ZCCHC7: variants seen among roughly 807,000 people sequenced by gnomAD.
ZCCHC7 encodes zinc finger CCHC domain-containing protein 7.
Under a neutral mutation model 52.0 loss-of-function variants are expected in ZCCHC7, and 35 were observed. The observed-to-expected ratio is 0.67, with a 90% CI of 0.51 to 0.89. The LOEUF is 0.89. Among genes scored for constraint, ZCCHC7 ranks in the 40% least tolerant of loss-of-function variants. ZCCHC7 has a pLI of 0.00. For missense variants in ZCCHC7, 574 were observed against 649.1 expected (o/e 0.88, Z 1.26); for synonymous variants, 217 against 221.5 (o/e 0.98, Z 0.18).
At chr9:37,315,223 C>T (rs564745633) in intron 5 of ZCCHC7, among the ~76,000 whole-genome samples, 34 of 151,836 alleles carry the variant, frequency 2.2e-4, no homozygotes, top group African/African-American at 8.2e-4. Context: ...AGTATACATA[C>T]CAGGCTCTTA....
chr9:37,281,925 A>T (rs1396007684), intron 2 of ZCCHC7, among the ~76,000 whole-genome samples: 1 of 152,224 alleles, frequency 6.6e-6, no homozygotes, highest in Admixed American at 6.5e-5. Flanking sequence ...CTGCATTTAA[A>T]TTCTTCTTCT....
chr9:37,207,798 T>A (rs187933844), intron 2 of ZCCHC7, among the ~76,000 whole-genome samples: 17 of 152,324 alleles, frequency 1.1e-4, no homozygotes, highest in African/African-American at 4.1e-4. Context: ...ACTTCTAAAT[T>A]TTCCATTGCT....
chr9:37,282,476 G>C (rs535757785), intron 2 of ZCCHC7, among the ~76,000 whole-genome samples: 34 of 151,824 alleles, frequency 2.2e-4, no homozygotes, highest in African/African-American at 8.2e-4. Flanking sequence ...GTGGTGGTGG[G>C]TGCCTGTAGT....
intron 2 of ZCCHC7, among the ~76,000 whole-genome samples, chr9:37,195,691 A>T (rs574902113): frequency 6.6e-6 from 1 of 152,212 alleles, no homozygotes; most frequent in Admixed American, 6.5e-5. Flanking sequence ...TTGTTTTGGG[A>T]GGCATATTTA....
intron 2 of ZCCHC7, among the ~76,000 whole-genome samples, chr9:37,157,905 A>G (rs1820899994): frequency 6.6e-6 from 1 of 152,246 alleles, no homozygotes; most frequent in Admixed American, 6.5e-5. Context: ...AACTAAAACT[A>G]GAACTACTGT....
chr9:37,266,155 C>T (rs1443473218), intron 2 of ZCCHC7, among the ~76,000 whole-genome samples: 2 of 152,174 alleles, frequency 1.3e-5, no homozygotes, highest in Admixed American at 1.3e-4. Flanking sequence ...ATTTAACCTA[C>T]TTCATTTATA....
intron 2 of ZCCHC7, among the ~76,000 whole-genome samples, chr9:37,223,450 T>C (rs1236615848): frequency 1.3e-5 from 2 of 152,054 alleles, no homozygotes; most frequent in African/African-American, 2.4e-5. Flanking sequence ...GGCAGATTAA[T>C]AGGTAAAGAA....
chr9:37,356,810 G>A (rs1242981906), intron 8 of ZCCHC7, 25 bp from the exon 9 acceptor site: 1 of 1,560,756 alleles, frequency 6.4e-7, no homozygotes, highest in Non-Finnish European at 8.6e-7. Context: ...TGCTGAATAT[G>A]CAAAAATACT....
At chr9:37,240,718 G>A (rs1825837897) in intron 2 of ZCCHC7, among the ~76,000 whole-genome samples, 2 of 151,836 alleles carry the variant, frequency 1.3e-5, no homozygotes, top group Non-Finnish European at 2.9e-5. Flanking sequence ...AGCAGGAGTA[G>A]CAAAGGTTGG....
chr9:37,245,965 G>A (rs991187321), intron 2 of ZCCHC7, among the ~76,000 whole-genome samples: 1 of 152,004 alleles, frequency 6.6e-6, no homozygotes, highest in African/African-American at 2.4e-5. Flanking sequence ...AGATTATGAA[G>A]GGATTTATAA....
chr9:37,214,213 T>C (rs1824386701), intron 2 of ZCCHC7, among the ~76,000 whole-genome samples: 1 of 152,084 alleles, frequency 6.6e-6, no homozygotes, highest in Non-Finnish European at 1.5e-5. Context: ...ATTAACACAT[T>C]TGAGTATACT....
intron 2 of ZCCHC7, among the ~76,000 whole-genome samples, chr9:37,151,365 A>G (rs1820516401): frequency 2.0e-5 from 3 of 152,212 alleles, no homozygotes; most frequent in Admixed American, 2.0e-4. Flanking sequence ...ATATAAAACG[A>G]TCATTCTGTA....
chr9:37,316,116 G>A (rs1588660040), intron 5 of ZCCHC7, among the ~76,000 whole-genome samples: 1 of 151,830 alleles, frequency 6.6e-6, no homozygotes, highest in Non-Finnish European at 1.5e-5. Flanking sequence ...CTGGAGTGCA[G>A]TGGCGCAATC....
At chr9:37,350,107 G>GT (rs199657511) in intron 7 of ZCCHC7, among the ~76,000 whole-genome samples, 7,305 of 143,868 alleles carry the variant, frequency 0.051, 605 homozygotes, top group African/African-American at 0.18. Context: ...TTTTTGTTGT[G>GT]TTTTGGGGTT....
At chr9:37,290,677 T>C (rs1199048280) in intron 2 of ZCCHC7, among the ~76,000 whole-genome samples, 2 of 152,096 alleles carry the variant, frequency 1.3e-5, no homozygotes, top group African/African-American at 4.8e-5. Flanking sequence ...AAGGAATTGA[T>C]AGTACATACT....
chr9:37,155,581 T>C (rs1588392356), intron 2 of ZCCHC7, among the ~76,000 whole-genome samples: 1 of 152,236 alleles, frequency 6.6e-6, no homozygotes, highest in East Asian at 1.9e-4. Flanking sequence ...TGATTAGATA[T>C]CTCATGCTGT....
chr9:37,276,640 G>A (rs1045457092), intron 2 of ZCCHC7, among the ~76,000 whole-genome samples: 2 of 152,142 alleles, frequency 1.3e-5, no homozygotes, highest in African/African-American at 4.8e-5. Flanking sequence ...AAATTGGGTA[G>A]TATTCATGAG....
At chr9:37,342,065 G>A (rs144034196) in intron 6 of ZCCHC7, among the ~76,000 whole-genome samples, 158 of 152,276 alleles carry the variant, frequency 1.0e-3, no homozygotes, top group African/African-American at 3.6e-3. Flanking sequence ...AGAGTATGTT[G>A]TAGAGGGCAG....
chr9:37,159,514 A>C (rs955816456), intron 2 of ZCCHC7, among the ~76,000 whole-genome samples: 2 of 152,214 alleles, frequency 1.3e-5, no homozygotes, highest in Non-Finnish European at 2.9e-5. Flanking sequence ...AGAGGAGGTG[A>C]CAAACTGAGA....
Sources: gnomAD v4.1 joint callset for allele counts (sites outside exome capture counted in the v4.1 genomes callset) on GRCh38, gnomAD v4.1.1 for gene constraint, MANE v1.5 for transcripts, NCBI Gene and HGNC (gene_info 2026-07-23, HGNC 2026-07-21) for gene names.